NALF1: variants seen among roughly 807,000 people sequenced by gnomAD.
The protein encoded by NALF1 is NALCN channel auxiliary factor 1, also known as family with sequence similarity 155 member A.
Under a neutral mutation model 48.4 loss-of-function variants are expected in NALF1, and 3 were observed. That is an observed-to-expected ratio of 0.06 (90% confidence interval 0.03 to 0.16). The LOEUF is 0.16. NALF1 is among the 10% of genes least tolerant of loss of function. The pLI is 1.00. For missense variants in NALF1, 526 were observed against 571.5 expected, an observed-to-expected ratio of 0.92 and a Z score of 0.81; for synonymous variants, 262 against 245.7, an observed-to-expected ratio of 1.07 and a Z score of -0.62.
At chr13:107,798,773 T>C (rs1878511282) in intron 1 of NALF1, among the ~76,000 whole-genome samples, 1 of 152,204 alleles carries the variant, frequency 6.6e-6, no homozygotes, top group Non-Finnish European at 1.5e-5. Flanking sequence ...TAAGTCTTTC[T>C]AGCTAAGTCC....
At chr13:107,332,460 A>T (rs1038532317) in intron 1 of NALF1, among the ~76,000 whole-genome samples, 5 of 152,250 alleles carry the variant, frequency 3.3e-5, no homozygotes, top group African/African-American at 1.2e-4. Context: ...GCCGGAGCAA[A>T]GCCCTTTCCA....
intron 1 of NALF1, among the ~76,000 whole-genome samples, chr13:107,589,167 GT>G (rs1431305162): frequency 6.6e-6 from 1 of 151,956 alleles, no homozygotes; most frequent in Non-Finnish European, 1.5e-5. Flanking sequence ...CCAAATTATT[GT>G]TTATCTTGTG....
chr13:107,560,947 C>T (rs537193412), intron 1 of NALF1, among the ~76,000 whole-genome samples: 16 of 152,296 alleles, frequency 1.1e-4, no homozygotes. Flanking sequence ...CCACCATTAA[C>T]CCCGTATGTT....
chr13:107,500,082 G>T (rs1281786418), intron 1 of NALF1, among the ~76,000 whole-genome samples: 1 of 152,118 alleles, frequency 6.6e-6, no homozygotes. Flanking sequence ...AACTGGGCTT[G>T]TCAGCTTTAA....
chr13:107,323,104 G>A (rs1882288227), intron 1 of NALF1, among the ~76,000 whole-genome samples: 1 of 152,050 alleles, frequency 6.6e-6, no homozygotes, highest in Admixed American at 6.6e-5. Flanking sequence ...TTGGAGTATT[G>A]ACAAGCAAGG....
intron 1 of NALF1, among the ~76,000 whole-genome samples, chr13:107,217,877 C>G (rs1040270729): frequency 4.6e-5 from 7 of 152,174 alleles, no homozygotes; most frequent in African/African-American, 1.7e-4. Flanking sequence ...CTGCTTCATG[C>G]TGCAGTTAGA....
At chr13:107,245,961 A>C (rs1435385557) in intron 1 of NALF1, among the ~76,000 whole-genome samples, 4 of 152,022 alleles carry the variant, frequency 2.6e-5, no homozygotes, top group Non-Finnish European at 4.4e-5. Context: ...CAGCACCTGT[A>C]AGATAAGAGT....
intron 1 of NALF1, among the ~76,000 whole-genome samples, chr13:107,484,492 T>G (rs1885298565): frequency 6.6e-6 from 1 of 152,142 alleles, no homozygotes; most frequent in Non-Finnish European, 1.5e-5. Context: ...GGGACTTTCT[T>G]CTTTTTTTCT....
At chr13:107,801,165 T>C (rs1878600939) in intron 1 of NALF1, among the ~76,000 whole-genome samples, 1 of 152,166 alleles carries the variant, frequency 6.6e-6, no homozygotes, top group Non-Finnish European at 1.5e-5. Context: ...TTAAGATGTT[T>C]GTTAGGGAAG....
rs1246288890 is a variant in NALF1 at position 107,169,854 on chromosome 13, T to C, written c.*643A>G. The C allele has an allele frequency of 1.3e-5, 2 of 152,624 alleles. No individual in the cohort carries two copies. Among genetic ancestry groups the C allele is most frequent in the Non-Finnish European group, 2.9e-5 (2 of 68,100 alleles). 9.5% of individuals were successfully genotyped at this position (152,624 alleles called of 1,614,324 possible). On this transcript the variant is annotated 3_prime_UTR_variant, in exon 3 of 3. Transcript: ENST00000375915. ...TTACACAGACAGAAGCAAGCGGATG[T>C]TGTTTGCTTAGGGGACGAGAAGAGG...
chr13:107,804,349 G>A (rs1049330657), intron 1 of NALF1, among the ~76,000 whole-genome samples: 3 of 151,998 alleles, frequency 2.0e-5, no homozygotes, highest in Non-Finnish European at 2.9e-5. Context: ...AGACAGACAC[G>A]GTCCAGTTCT....
intron 1 of NALF1, among the ~76,000 whole-genome samples, chr13:107,406,251 T>C (rs1458930819): frequency 1.3e-5 from 2 of 152,050 alleles, no homozygotes; most frequent in Non-Finnish European, 2.9e-5. Context: ...TAATAACATT[T>C]AATGTAAATA....
At chr13:107,807,274 T>C (rs1878824250) in intron 1 of NALF1, among the ~76,000 whole-genome samples, 1 of 152,186 alleles carries the variant, frequency 6.6e-6, no homozygotes, top group Non-Finnish European at 1.5e-5. Context: ...ATACCAACTA[T>C]TACCATGCAT....
chr13:107,532,761 A>T (rs1292897278), intron 1 of NALF1, among the ~76,000 whole-genome samples: 3 of 152,082 alleles, frequency 2.0e-5, no homozygotes, highest in Non-Finnish European at 4.4e-5. Flanking sequence ...ATTCTCAAGA[A>T]TGTTAATTTT....
chr13:107,754,608 T>A (rs1418045349), intron 1 of NALF1, among the ~76,000 whole-genome samples: 1 of 152,068 alleles, frequency 6.6e-6, no homozygotes, highest in Non-Finnish European at 1.5e-5. Flanking sequence ...TGAATAAAAC[T>A]GTCAGCACAT....
At chr13:107,290,004 A>G (rs1225105311) in intron 1 of NALF1, among the ~76,000 whole-genome samples, 1 of 152,122 alleles carries the variant, frequency 6.6e-6, no homozygotes, top group Non-Finnish European at 1.5e-5. Context: ...AGGTAACAGG[A>G]TGTTTCCACT....
intron 1 of NALF1, among the ~76,000 whole-genome samples, chr13:107,356,303 A>C (rs1882962835): frequency 6.6e-6 from 1 of 152,250 alleles, no homozygotes; most frequent in Non-Finnish European, 1.5e-5. Flanking sequence ...AGATTTAACA[A>C]AAATGTAAAT....
intron 1 of NALF1, among the ~76,000 whole-genome samples, chr13:107,226,265 C>G (rs1415714215): frequency 6.6e-6 from 1 of 152,018 alleles, no homozygotes; most frequent in East Asian, 1.9e-4. Flanking sequence ...AAAACCCCGG[C>G]AAAAATACGG....
intron 1 of NALF1, among the ~76,000 whole-genome samples, chr13:107,787,437 G>A (rs1421156930): frequency 6.6e-6 from 1 of 152,304 alleles, no homozygotes; most frequent in African/African-American, 2.4e-5. Flanking sequence ...CACATGGGTT[G>A]AGTCCCAAAT....
Sources: allele counts gnomAD v4.1 joint callset (sites outside exome capture counted in the v4.1 genomes callset), GRCh38; gene constraint gnomAD v4.1.1; transcripts MANE v1.5; gene names NCBI Gene and HGNC (gene_info 2026-07-23, HGNC 2026-07-21).